ZBTB20: variants seen among roughly 807,000 people sequenced by gnomAD.
ZBTB20 encodes zinc finger and BTB domain-containing protein 20.
In ZBTB20, 9 loss-of-function variants were observed where a neutral mutation model predicts 56.9. That is an observed-to-expected ratio of 0.16 (90% confidence interval 0.10 to 0.28). The LOEUF (loss-of-function observed/expected upper bound fraction) is 0.28. Among genes scored for constraint, ZBTB20 ranks in the 10% least tolerant of loss-of-function variants. The pLI is 1.00. For synonymous variants in ZBTB20, 417 were observed against 420.7 expected, an observed-to-expected ratio of 0.99 and a Z score of 0.11; for missense variants, 655 against 1,003.0, an observed-to-expected ratio of 0.65 and a Z score of 4.69.
intron 3 of ZBTB20, among the ~76,000 whole-genome samples, chr3:114,925,909 A>C (rs2076140980): frequency 6.6e-6 from 1 of 152,196 alleles, no homozygotes; most frequent in Non-Finnish European, 1.5e-5. Flanking sequence ...AATGTGTTAC[A>C]TTGAGCCAAA....
At chr3:114,719,100 A>C (rs1332795273) in intron 5 of ZBTB20, among the ~76,000 whole-genome samples, 3 of 147,942 alleles carry the variant, frequency 2.0e-5, no homozygotes, top group African/African-American at 7.4e-5. Context: ...CAGGAAGAAG[A>C]AGTAAAGATT....
rs551825454 is a variant in ZBTB20, at chr3:114,532,260, C to T, written c.-294-31869G>A. ...TGGCTTGAAATCCTTGCTGCCAGCA[C>T]GGCAGTCTGAAGTTGACCTGGGACC... On this transcript the variant is annotated intron_variant, in intron 6 of 11. Coordinates refer to ENST00000675478, the MANE Select transcript of ZBTB20 (RefSeq NM_001348800.3). 2.9e-4 allele frequency among the ~76,000 whole-genome samples: 44 copies of T among 152,260 alleles called. No individual in the cohort carries two copies. The East Asian group carries it at 4.3e-3, about 15-fold the overall frequency.
chr3:114,854,848 A>G (rs2075168995), intron 4 of ZBTB20, among the ~76,000 whole-genome samples: 1 of 152,200 alleles, frequency 6.6e-6, no homozygotes, highest in Non-Finnish European at 1.5e-5. Flanking sequence ...ATTTTATTCA[A>G]TGAATCATTT....
intron 4 of ZBTB20, among the ~76,000 whole-genome samples, chr3:114,810,818 T>C (rs1319646679): frequency 6.6e-6 from 1 of 152,050 alleles, no homozygotes; most frequent in African/African-American, 2.4e-5. Flanking sequence ...GGGGGGGAAG[T>C]CTAACTGCCA....
At chr3:114,932,249 T>C (rs2076386857) in intron 3 of ZBTB20, among the ~76,000 whole-genome samples, 1 of 152,210 alleles carries the variant, frequency 6.6e-6, no homozygotes. Flanking sequence ...GAAGGAGTGT[T>C]TGCCTAATAT....
intron 2 of ZBTB20, among the ~76,000 whole-genome samples, chr3:115,057,927 C>A (rs2108463497): frequency 6.6e-6 from 1 of 152,224 alleles, no homozygotes; most frequent in Non-Finnish European, 1.5e-5. Context: ...TTCAGCACAG[C>A]TGGGGTGGCC....
At chr3:114,348,851 T>C (rs563805664) in intron 11 of ZBTB20, among the ~76,000 whole-genome samples, 1 of 152,336 alleles carries the variant, frequency 6.6e-6, no homozygotes, top group South Asian at 2.1e-4. Context: ...TTTGTTTTCA[T>C]GTATCAGAAT....
At chr3:114,442,495 C>G (rs1033183880) in intron 7 of ZBTB20, among the ~76,000 whole-genome samples, 2 of 152,130 alleles carry the variant, frequency 1.3e-5, no homozygotes, top group African/African-American at 4.8e-5. Context: ...AGTGCACACA[C>G]AGAAATCTGC....
intron 2 of ZBTB20, among the ~76,000 whole-genome samples, chr3:115,051,678 G>A (rs1372333152): frequency 6.6e-6 from 1 of 152,140 alleles, no homozygotes; most frequent in African/African-American, 2.4e-5. Flanking sequence ...TGTTTTGTAA[G>A]ACAAATTTCA....
chr3:115,040,106 AAAT>A (rs986875637), intron 2 of ZBTB20, among the ~76,000 whole-genome samples: 14 of 152,118 alleles, frequency 9.2e-5, no homozygotes, highest in African/African-American at 2.2e-4. Context: ...TGTCAATTAA[AAAT>A]AATAACAAAG....
chr3:114,957,135 T>A (rs932843520), intron 3 of ZBTB20, among the ~76,000 whole-genome samples: 3 of 152,192 alleles, frequency 2.0e-5, no homozygotes, highest in Non-Finnish European at 2.9e-5. Context: ...TGTGTTCTGC[T>A]TAGGTTATAA....
chr3:114,701,847 T>C (rs1039107339), intron 5 of ZBTB20, among the ~76,000 whole-genome samples: 9 of 152,330 alleles, frequency 5.9e-5, no homozygotes, highest in South Asian at 2.1e-4. Flanking sequence ...GATTCTTGCT[T>C]TGCTCTTGGC....
intron 3 of ZBTB20, among the ~76,000 whole-genome samples, chr3:114,964,757 C>T (rs1560443815): frequency 6.6e-6 from 1 of 151,790 alleles, no homozygotes. Flanking sequence ...GGACTGAGAC[C>T]GAATTAAGAA....
intron 6 of ZBTB20, among the ~76,000 whole-genome samples, chr3:114,575,788 T>C (rs1303519763): frequency 1.3e-5 from 2 of 152,154 alleles, no homozygotes; most frequent in Admixed American, 1.3e-4. Context: ...TTACCAAATA[T>C]ATTTATTATT....
chr3:114,913,726 A>C (rs1477172476), intron 3 of ZBTB20, among the ~76,000 whole-genome samples: 1 of 151,728 alleles, frequency 6.6e-6, no homozygotes, highest in Non-Finnish European at 1.5e-5. Context: ...TATTAGACTT[A>C]AGTCTTTAAT....
intron 5 of ZBTB20, among the ~76,000 whole-genome samples, chr3:114,720,996 G>A (rs762642588): frequency 7.9e-5 from 12 of 152,108 alleles, no homozygotes; most frequent in Non-Finnish European, 1.6e-4. Flanking sequence ...AGATTTGGGA[G>A]GTGATAAGAC....
At chr3:114,739,080 C>T (rs889368405) in intron 5 of ZBTB20, among the ~76,000 whole-genome samples, 3 of 152,054 alleles carry the variant, frequency 2.0e-5, no homozygotes, top group Non-Finnish European at 4.4e-5. Context: ...ATCGTGCCAA[C>T]GTATTGAAGT....
chr3:114,829,624 C>T (rs6804032), intron 4 of ZBTB20, among the ~76,000 whole-genome samples: 19,437 of 151,780 alleles, frequency 0.13, 1,579 homozygotes, highest in Middle Eastern at 0.21. Context: ...TAATTTCACA[C>T]CTGGTTTTAT....
intron 5 of ZBTB20, among the ~76,000 whole-genome samples, chr3:114,717,259 G>A (rs1174783607): frequency 6.6e-6 from 1 of 152,122 alleles, no homozygotes; most frequent in Admixed American, 6.6e-5. Context: ...ACTAGAGAGA[G>A]GTTTATGAAA....
Sources: gnomAD v4.1 joint callset for allele counts (sites outside exome capture counted in the v4.1 genomes callset) on GRCh38, gnomAD v4.1.1 for gene constraint, MANE v1.5 for transcripts, NCBI Gene and HGNC (gene_info 2026-07-23, HGNC 2026-07-21) for gene names.